Variants in SMARCA1 observed in about 807,000 individuals in gnomAD.
The protein encoded by SMARCA1 is SNF2 related chromatin remodeling ATPase 1, also known as SWI/SNF-related matrix-associated actin-dependent regulator of chromatin subfamily A member 1.
A neutral mutation model predicts 93.6 loss-of-function variants in SMARCA1; 17 were observed. The observed-to-expected ratio is 0.18, with a 90% confidence interval of 0.12 to 0.27. The LOEUF (loss-of-function observed/expected upper bound fraction) is 0.27, where lower values mean the gene tolerates loss of function less well. Ranked by LOEUF, SMARCA1 falls within the 10% of genes least tolerant of loss-of-function variation. The probability of loss-of-function intolerance (pLI) is 1.00; values close to 1 mark genes in which losing one functional copy is unlikely to be tolerated. For missense variants in SMARCA1, 630 were observed against 819.0 expected, an observed-to-expected ratio of 0.77 and a Z score of 2.82; for synonymous variants, 271 against 271.4, an observed-to-expected ratio of 1.00 and a Z score of 0.01.
chrX:129,523,401 AGGC>A lies in SMARCA1; in HGVS notation c.-34_-32del. ...GGGAGCGGGAACGAGTAGGGGGACA[AGGC>A]AGGGGACGAGGGCTCCTGGGCGGCG... On this transcript the variant is annotated 5_prime_UTR_variant, in exon 1 of 25. Transcript: ENST00000371121. 8.9e-7 allele frequency: 1 copy of A among 1,128,367 alleles called. No individual in the cohort carries two copies. The highest frequency in any genetic ancestry group is 2.1e-5 in the South Asian group (1 of 48,544). 93.0% of individuals were successfully genotyped at this position (1,128,367 alleles called of 1,213,427 possible). A position where few individuals can be genotyped will look rare whatever the true frequency, so the allele number is the denominator to read the frequency against.
intron 19 of SMARCA1, among the ~76,000 whole-genome samples, chrX:129,479,916 T>G (rs1179294372): frequency 9.0e-6 from 1 of 111,422 alleles, no homozygotes; most frequent in African/African-American, 3.3e-5. Flanking sequence ...AAGGCTGGTC[T>G]CATACTCCTG....
intron 19 of SMARCA1, among the ~76,000 whole-genome samples, chrX:129,479,262 A>G (rs1933533789): frequency 8.9e-6 from 1 of 111,944 alleles, no homozygotes; most frequent in Non-Finnish European, 1.9e-5. Context: ...CCTTAATGAG[A>G]TGATATGTAT....
At chrX:129,480,175 A>G (rs1933585666) in intron 19 of SMARCA1, among the ~76,000 whole-genome samples, 1 of 112,289 alleles carries the variant, frequency 8.9e-6, no homozygotes, top group South Asian at 3.6e-4. Context: ...CTATCTACCT[A>G]TATAAATAAG....
chrX:129,478,478 T>TC (rs1160039874), intron 19 of SMARCA1, among the ~76,000 whole-genome samples: 5 of 111,525 alleles, frequency 4.5e-5, no homozygotes, highest in Non-Finnish European at 9.4e-5. Flanking sequence ...TTCATCCCTT[T>TC]CCTCTATTCT....
chrX:129,504,809 AG>A lies in SMARCA1; in HGVS notation c.1099-8del. The stretch of plus-strand genomic sequence containing the variant: ...CAAACCAAGAATCAAAGTCCTGTAG[AG>A]GGGTGGAAATTCTCCAATGAGTGCA... On this transcript the variant is annotated splice_region_variant and splice_polypyrimidine_tract_variant and intron_variant, in intron 8 of 24. Coordinates refer to ENST00000371121, the MANE Select transcript of SMARCA1 (RefSeq NM_001282874.2). 8.6e-7 allele frequency: 1 copy of A among 1,163,135 alleles called. No individual in the cohort carries two copies. The highest frequency in any genetic ancestry group is 1.2e-6 in the Non-Finnish European group (1 of 852,832).
chrX:129,488,678 T>C (rs765760957), intron 16 of SMARCA1, among the ~76,000 whole-genome samples: 158 of 109,156 alleles, frequency 1.4e-3, no homozygotes, highest in African/African-American at 5.0e-3. Context: ...ACTTGGCTTT[T>C]AGATATAGTA....
chrX:129,522,058 A>C (rs3118104), intron 1 of SMARCA1, among the ~76,000 whole-genome samples: 7,529 of 111,303 alleles, frequency 0.068, 290 homozygotes, highest in African/African-American at 0.15. Context: ...CGATATGACT[A>C]CTCGTAAATA....
chrX:129,513,438 C>G (rs1935082116), intron 5 of SMARCA1, among the ~76,000 whole-genome samples: 1 of 107,549 alleles, frequency 9.3e-6, no homozygotes, highest in South Asian at 4.1e-4. Flanking sequence ...GGAGGAGAAC[C>G]GCTTGAACCC....
Position 129,515,880 on chromosome X carries a change from G to A in SMARCA1, c.529+14C>T, listed in dbSNP as rs1285929519. Reference sequence around the variant, plus strand: ...AAATTGAAAAAGAACTCACCAATGTGATGAAGTACTTACATGAAGGTGACA... The same window carrying A: ...AAATTGAAAAAGAACTCACCAATGTAATGAAGTACTTACATGAAGGTGACA... On this transcript the variant is annotated intron_variant, in intron 4 of 24. Coordinates refer to ENST00000371121, the MANE Select transcript of SMARCA1 (RefSeq NM_001282874.2). 1.7e-6 allele frequency: 2 copies of A among 1,166,113 alleles called. No individual in the cohort carries two copies. The highest frequency in any genetic ancestry group is 2.3e-6 in the Non-Finnish European group (2 of 855,301).
At chrX:129,453,850 A>C (rs12007575) in intron 23 of SMARCA1, among the ~76,000 whole-genome samples, 2 of 111,535 alleles carry the variant, frequency 1.8e-5, no homozygotes, top group Non-Finnish European at 3.8e-5. Flanking sequence ...CTATATCGTG[A>C]AAATGGCCAT....
rs746935759 is a variant in SMARCA1 at position 129,523,409 on chromosome X, G to T, written c.-39C>A. 5 of 1,100,006 alleles carry T rather than the reference G, an allele frequency of 4.5e-6. No homozygotes were observed. In the African/African-American group the frequency reaches 7.4e-5, roughly 16 times the overall value. 90.7% of individuals were successfully genotyped at this position (1,100,006 alleles called of 1,213,427 possible). On this transcript the variant is annotated 5_prime_UTR_variant, in exon 1 of 25. Transcript: ENST00000371121. ...GAACGAGTAGGGGGACAAGGCAGGG[G>T]ACGAGGGCTCCTGGGCGGCGGCAGT...
chrX:129,500,388 G>A (rs1396945463), intron 9 of SMARCA1, among the ~76,000 whole-genome samples: 1 of 112,034 alleles, frequency 8.9e-6, no homozygotes. Flanking sequence ...GGCTGGTCTC[G>A]AACTCCTGAC....
chrX:129,449,118 C>CCA (rs1932154935), intron 23 of SMARCA1, among the ~76,000 whole-genome samples: 1 of 111,443 alleles, frequency 9.0e-6, no homozygotes, highest in Non-Finnish European at 1.9e-5. Context: ...GTGAAGGGTG[C>CCA]ATGAGACCTC....
intron 14 of SMARCA1, 73 bp downstream of exon 14, chrX:129,491,868 G>T: frequency 1.5e-6 from 1 of 681,452 alleles, no homozygotes; most frequent in South Asian, 4.8e-5. Context: ...TATCATAAAT[G>T]ACCTTTATGT....
intron 19 of SMARCA1, among the ~76,000 whole-genome samples, chrX:129,471,900 AGCTATGATAGGACCAGTG>A (rs1933141427): frequency 8.9e-6 from 1 of 112,384 alleles, no homozygotes; most frequent in African/African-American, 3.2e-5. Flanking sequence ...GCACACAAAT[AGCTATGATAGGACCAGTG>A]GTCAAGGAGG....
intron 6 of SMARCA1, among the ~76,000 whole-genome samples, chrX:129,511,438 G>A (rs980645035): frequency 9.0e-6 from 1 of 111,707 alleles, no homozygotes; most frequent in Non-Finnish European, 1.9e-5. Flanking sequence ...TATATTGTTG[G>A]CTTCAAAATA....
intron 5 of SMARCA1, among the ~76,000 whole-genome samples, chrX:129,515,442 C>G (rs768157737): frequency 9.1e-6 from 1 of 110,310 alleles, no homozygotes. Flanking sequence ...GCAGGAGGAT[C>G]GCTTGAACCC....
intron 23 of SMARCA1, among the ~76,000 whole-genome samples, chrX:129,453,603 G>C (rs1888682453): frequency 8.9e-6 from 1 of 111,894 alleles, no homozygotes; most frequent in Admixed American, 9.5e-5. Context: ...AAAGTCTCAG[G>C]ATACAAAATC....
At position 129,499,832 on chromosome X, in the gene SMARCA1, G is replaced by A; in HGVS notation, c.1177C>T (p.Pro393Ser). Residue 393 changes from proline (P) to serine (S), a missense_variant, in exon 10 of 25, where the codon CCA becomes TCA. This residue lies in a region of SMARCA1 where 382 missense variants were observed against 537.9 expected (regional missense o/e 0.71). Transcript: ENST00000371121. ...LVERLHAVLK[P>S]FLLRRIKTDV... is the part of the protein sequence containing the mutation. ...GTTTTTATACGGCGTAACAAAAATG[G>A]TTTTAAAACCTAAAAGGTGATCATT... 9.3e-7 allele frequency: 1 copy of A among 1,074,082 alleles called. No homozygotes were observed. The highest frequency in any genetic ancestry group is 1.3e-6 in the Non-Finnish European group (1 of 778,418). The allele number at this position is 1,074,082 out of a possible 1,213,427, so 88.5% of individuals were successfully genotyped here.
Sources: allele counts gnomAD v4.1 joint callset (sites outside exome capture counted in the v4.1 genomes callset), GRCh38; gene constraint gnomAD v4.1.1; regional missense constraint gnomAD v4.1.1; transcripts MANE v1.5; gene names NCBI Gene and HGNC (gene_info 2026-07-23, HGNC 2026-07-21).